The following CRKL variants were observed in gnomAD, a reference collection of about 807,000 sequenced individuals.
CRKL encodes the protein crk-like protein.
In CRKL, 3 loss-of-function variants were observed where a neutral mutation model predicts 23.0. That is an observed-to-expected ratio of 0.13 (90% confidence interval 0.06 to 0.34). The LOEUF (loss-of-function observed/expected upper bound fraction) is 0.34, where lower values mean the gene tolerates loss of function less well. Among genes scored for constraint, CRKL ranks in the 10% least tolerant of loss-of-function variants. The pLI, the probability that CRKL is intolerant of heterozygous loss-of-function variation, is 1.00. For missense variants in CRKL, 256 were observed against 394.5 expected (o/e 0.65, Z 2.97); for synonymous variants, 188 against 160.7 (o/e 1.17, Z -1.28).
chr22:20,939,789 C>CT (rs57712024), intron 2 of CRKL, among the ~76,000 whole-genome samples: 2,063 of 128,324 alleles, frequency 0.016, 45 homozygotes, highest in African/African-American at 0.04. Context: ...TCTCTGAATC[C>CT]TTTTTTTTTT....
At position 20,934,070 on chromosome 22, in the gene CRKL, A is replaced by C. The variant is rs773135257; in HGVS notation, c.603A>C (p.Pro201=). ...GNRNSNSYGI[P]EPAHAYAQPQ... is the part of the protein sequence containing the mutation. The stretch of plus-strand genomic sequence containing the variant: ...GGAATTCCAACAGTTATGGGATCCC[A>C]GAACCTGCTCATGCATACGCTCAAC... The change falls in exon 2 of 3, where the codon CCA becomes CCC. Residue 201 remains proline (P), a synonymous_variant. Coordinates refer to ENST00000354336, the MANE Select transcript of CRKL (RefSeq NM_005207.4). 2 of 1,614,224 alleles carry C rather than the reference A, an allele frequency of 1.2e-6. No homozygotes were observed. The highest frequency in any genetic ancestry group is 1.7e-6 in the Non-Finnish European group (2 of 1,180,040).
chr22:20,938,261 C>G (rs1335052901), intron 2 of CRKL, among the ~76,000 whole-genome samples: 1 of 151,918 alleles, frequency 6.6e-6, no homozygotes, highest in South Asian at 2.1e-4. Context: ...TTTTTTTAAT[C>G]TTGATTTTCA....
At chr22:20,919,475 G>A (rs774560298) in intron 1 of CRKL, among the ~76,000 whole-genome samples, 4 of 152,154 alleles carry the variant, frequency 2.6e-5, no homozygotes, top group Non-Finnish European at 5.9e-5. Flanking sequence ...AAGTGACCAA[G>A]CATTCTCTTT....
At position 20,953,147 on chromosome 22, in the gene CRKL, T is replaced by G. The variant is rs1222674624; in HGVS notation, c.*3302T>G. On this transcript the variant is annotated 3_prime_UTR_variant, in exon 3 of 3. Coordinates refer to ENST00000354336, the MANE Select transcript of CRKL (RefSeq NM_005207.4). The stretch of plus-strand genomic sequence containing the variant: ...TTGCCAGGTGTTTATAATTAATCCT[T>G]TAATATTATGGTTATTAACCTCTTA... 8.6e-6 allele frequency: 2 copies of G among 231,786 alleles called. No individual in the cohort carries two copies. The highest frequency in any genetic ancestry group is 4.4e-5 in the African/African-American group (2 of 45,192). 14.4% of individuals were successfully genotyped at this position (231,786 alleles called of 1,614,324 possible). A position where few individuals can be genotyped will look rare whatever the true frequency, so the allele number is the denominator to read the frequency against.
intron 2 of CRKL, among the ~76,000 whole-genome samples, chr22:20,943,524 G>T (rs752157555): frequency 1.3e-5 from 2 of 152,170 alleles, no homozygotes; most frequent in Non-Finnish European, 2.9e-5. Flanking sequence ...ACAGGCGTGC[G>T]CCACCATGCC....
In CRKL at chr22:20,952,565, C is replaced by T. The variant is rs1446404964; in HGVS notation, c.*2720C>T. The stretch of plus-strand genomic sequence containing the variant: ...ACATATGAATGCAGCACTGCTGCCT[C>T]AGCTCAGCTTCGTGCCTGGGTTCCC... On this transcript the variant is annotated 3_prime_UTR_variant, in exon 3 of 3. Transcript: ENST00000354336. The T allele has an allele frequency of 4.3e-6, 1 of 232,636 alleles. No homozygotes were observed. The highest frequency in any genetic ancestry group is 2.2e-5 in the African/African-American group (1 of 45,314). 14.4% of individuals were successfully genotyped at this position (232,636 alleles called of 1,614,324 possible).
chr22:20,939,956 ATTT>A (rs1036240942), intron 2 of CRKL, among the ~76,000 whole-genome samples: 4 of 151,454 alleles, frequency 2.6e-5, no homozygotes, highest in African/African-American at 9.7e-5. Context: ...CGCCTGGCTA[ATTT>A]TTTTATTTTT....
intron 1 of CRKL, among the ~76,000 whole-genome samples, chr22:20,933,451 G>A (rs1601679221): frequency 6.6e-6 from 1 of 152,136 alleles, no homozygotes. Flanking sequence ...TGGATCGCCC[G>A]AGGTCAGGAG....
At chr22:20,918,740 C>T (rs1471403827) in intron 1 of CRKL, among the ~76,000 whole-genome samples, 1 of 152,046 alleles carries the variant, frequency 6.6e-6, no homozygotes, top group Non-Finnish European at 1.5e-5. Context: ...TACTGGCTCA[C>T]GCCACCACAC....
At chr22:20,948,111 T>G (rs1292007033) in intron 2 of CRKL, among the ~76,000 whole-genome samples, 1 of 152,216 alleles carries the variant, frequency 6.6e-6, no homozygotes, top group Non-Finnish European at 1.5e-5. Flanking sequence ...TTCAGTAAAT[T>G]TATTTAATTG....
rs1404011600 is a variant in CRKL, at chr22:20,934,146, A to G, written c.679A>G (p.Ile227Val). Residue 227 changes from isoleucine (I) to valine (V), a missense_variant, in exon 2 of 3, where the codon ATC becomes GTC. Around this residue, in one of 3 missense-constraint regions of CRKL, gnomAD observed 129 missense variants for 222.1 expected, o/e 0.58. Transcript: ENST00000354336. ...AGTTTCCGGTTCTCCTGGGGCAGCA[A>G]TCACCCCTTTGCCATCCACACAGAA... is the stretch of plus-strand genomic sequence containing the variant. The part of the protein sequence containing the change: ...PAVSGSPGAA[I>V]TPLPSTQNGP... 6 of 1,614,212 alleles carry G rather than the reference A, an allele frequency of 3.7e-6. No homozygotes were observed. Among genetic ancestry groups the G allele is most frequent in the Non-Finnish European group, 5.1e-6 (6 of 1,180,040 alleles).
In CRKL at chr22:20,917,545, G is replaced by T. The variant is rs2048883125; in HGVS notation, c.-390G>T. The T allele has an allele frequency of 3.5e-6, 1 of 281,736 alleles. No individual in the cohort carries two copies. Among genetic ancestry groups the T allele is most frequent in the East Asian group, 5.6e-5 (1 of 17,934 alleles). 17.5% of individuals were successfully genotyped at this position (281,736 alleles called of 1,614,324 possible). ...CGCTCCTTCGAGTTCGGTGCCTCGT[G>T]TGACGGCGGGGGTCGGTGAAGACCC... On this transcript the variant is annotated 5_prime_UTR_variant, in exon 1 of 3. Transcript: ENST00000354336.
chr22:20,920,740 G>A (rs1569130907), intron 1 of CRKL, among the ~76,000 whole-genome samples: 1 of 147,168 alleles, frequency 6.8e-6, no homozygotes, highest in Non-Finnish European at 1.6e-5. Context: ...TTGTACCTTT[G>A]CACCTTTGCT....
intron 2 of CRKL, among the ~76,000 whole-genome samples, chr22:20,939,536 G>A (rs1381404935): frequency 2.6e-5 from 4 of 151,740 alleles, no homozygotes; most frequent in African/African-American, 4.8e-5. Flanking sequence ...GTGAGCCACC[G>A]CGCCTGGCCC....
chr22:20,934,970 C>T (rs972448559), intron 2 of CRKL, among the ~76,000 whole-genome samples: 3 of 151,848 alleles, frequency 2.0e-5, no homozygotes, highest in Non-Finnish European at 4.4e-5. Context: ...CCCGCCACCA[C>T]GCCTGGCTAA....
rs114008888 is a variant in CRKL, at chr22:20,936,023, G to A, written c.777+1779G>A. Among the ~76,000 whole-genome samples, 693 of 152,196 alleles carry A rather than the reference G, an allele frequency of 4.6e-3. 5 individuals carry two copies. Among genetic ancestry groups the A allele is most frequent in the African/African-American group, 0.016 (662 of 41,524 alleles). On this transcript the variant is annotated intron_variant, in intron 2 of 2. Coordinates refer to ENST00000354336, the MANE Select transcript of CRKL (RefSeq NM_005207.4). ...AAAATACAAAAATGAGCCAGACGTG[G>A]TGGGCATGCACCTGTAGCCTCAGCT... is the stretch of plus-strand genomic sequence containing the variant.
chr22:20,929,755 C>T (rs1331369704), intron 1 of CRKL, among the ~76,000 whole-genome samples: 1 of 152,222 alleles, frequency 6.6e-6, no homozygotes, highest in Admixed American at 6.5e-5. Flanking sequence ...GCCACTGCGC[C>T]TGGGCAACAC....
intron 2 of CRKL, among the ~76,000 whole-genome samples, chr22:20,941,538 A>ATGTGTG (rs1187984983): frequency 0.073 from 3,683 of 50,370 alleles, 669 homozygotes; most frequent in African/African-American, 0.089. Context: ...TATATATTTT[A>ATGTGTG]TGTGTGTGTG....
chr22:20,921,550 G>A (rs1310751464), intron 1 of CRKL, among the ~76,000 whole-genome samples: 4 of 70,262 alleles, frequency 5.7e-5, no homozygotes, highest in Non-Finnish European at 1.3e-4. Context: ...CGTGGTCAGA[G>A]AAAGCATGAA....
Sources: gnomAD v4.1 joint callset for allele counts (sites outside exome capture counted in the v4.1 genomes callset) on GRCh38, gnomAD v4.1.1 for gene constraint, gnomAD v4.1.1 regional missense constraint, MANE v1.5 for transcripts, NCBI Gene and HGNC (gene_info 2026-07-23, HGNC 2026-07-21) for gene names.